The following ZNF804B variants were observed in gnomAD, a reference collection of about 807,000 sequenced individuals.
ZNF804B encodes the protein zinc finger protein 804B.
ZNF804B carries 80 observed loss-of-function variants against 101.4 expected under a neutral mutation model. That is an observed-to-expected ratio of 0.79 (90% CI 0.66 to 0.95). ZNF804B has a LOEUF of 0.95. Ranked by LOEUF, ZNF804B falls within the 40% of genes least tolerant of loss-of-function variation. The pLI is 0.00. For synonymous variants in ZNF804B, 622 were observed against 558.8 expected (o/e 1.11, Z -1.59); for missense variants, 1,673 against 1,561.9 (o/e 1.07, Z -1.20).
At chr7:89,055,418 G>C (rs1789275216) in intron 1 of ZNF804B, among the ~76,000 whole-genome samples, 1 of 152,076 alleles carries the variant, frequency 6.6e-6, no homozygotes, top group African/African-American at 2.4e-5. Flanking sequence ...TATGGAAAAG[G>C]GGTTAGGTAT....
chr7:89,019,021 G>T (rs1274487472), intron 1 of ZNF804B, among the ~76,000 whole-genome samples: 1 of 151,816 alleles, frequency 6.6e-6, no homozygotes, highest in African/African-American at 2.4e-5. Flanking sequence ...CATTCTACCA[G>T]TTTTCGGTTT....
rs148077191 is a variant in ZNF804B at position 89,255,100 on chromosome 7, G to T, written c.249+36805G>T. On this transcript the variant is annotated intron_variant, in intron 2 of 3. Transcript: ENST00000333190. ...GACTCACAGTTCCACATTGCTGGGAGGCCTCAGGAAACTTACAGTCATGGA... is the reference window on the plus strand; with the variant it reads ...GACTCACAGTTCCACATTGCTGGGATGCCTCAGGAAACTTACAGTCATGGA... Among the ~76,000 whole-genome samples the T allele has an allele frequency of 3.3e-3, 507 of 152,332 alleles. 6 individuals are homozygous for T. The highest frequency in any genetic ancestry group is 0.027 in the Middle Eastern group (8 of 294).
Position 88,759,879 on chromosome 7 carries a change from G to C in ZNF804B, c.-98G>C, listed in dbSNP as rs992220052. ...GCGTCCTGCTGGCCGCGTCTTCTCGGGAGGTGGTAGTCGCTGTTGCCGCTG... is the reference window on the plus strand; with the variant it reads ...GCGTCCTGCTGGCCGCGTCTTCTCGCGAGGTGGTAGTCGCTGTTGCCGCTG... On this transcript the variant is annotated 5_prime_UTR_variant, in exon 1 of 4. Transcript: ENST00000333190. The C allele has an allele frequency of 8.3e-5, 79 of 952,174 alleles. No individual in the cohort carries two copies. The Admixed American group carries it at 1.5e-3, about 18-fold the overall frequency. 59.0% of individuals were successfully genotyped at this position (952,174 alleles called of 1,614,324 possible).
chr7:88,978,770 C>T (rs1369344214), intron 1 of ZNF804B, among the ~76,000 whole-genome samples: 1 of 150,864 alleles, frequency 6.6e-6, no homozygotes, highest in Non-Finnish European at 1.5e-5. Flanking sequence ...TTTTGTGATT[C>T]ATTCTCTCCC....
chr7:88,818,210 A>C (rs1435708246), intron 1 of ZNF804B, among the ~76,000 whole-genome samples: 1 of 152,198 alleles, frequency 6.6e-6, no homozygotes, highest in African/African-American at 2.4e-5. Context: ...CATTATATCA[A>C]CTTCATGAGC....
At chr7:89,296,021 G>A (rs567494407) in intron 2 of ZNF804B, among the ~76,000 whole-genome samples, 9 of 152,036 alleles carry the variant, frequency 5.9e-5, no homozygotes, top group East Asian at 1.9e-4. Flanking sequence ...AAGAGGGAAC[G>A]GATAAAAAAC....
intron 1 of ZNF804B, among the ~76,000 whole-genome samples, chr7:88,967,690 A>G (rs931548120): frequency 6.8e-6 from 1 of 147,818 alleles, no homozygotes; most frequent in East Asian, 2.0e-4. Flanking sequence ...GTAGGAAGTC[A>G]TGAATGATGA....
chr7:89,023,512 C>A (rs183180761), intron 1 of ZNF804B, among the ~76,000 whole-genome samples: 1 of 152,068 alleles, frequency 6.6e-6, no homozygotes, highest in Non-Finnish European at 1.5e-5. Context: ...GCATTTTGGT[C>A]CTTAAATTGG....
chr7:89,046,328 G>A (rs1444454450), intron 1 of ZNF804B, among the ~76,000 whole-genome samples: 3 of 152,108 alleles, frequency 2.0e-5, no homozygotes, highest in African/African-American at 4.8e-5. Flanking sequence ...GAAAAAAGTT[G>A]TGTAAAATAG....
At chr7:88,891,366 A>G (rs566029256) in intron 1 of ZNF804B, among the ~76,000 whole-genome samples, 4 of 152,006 alleles carry the variant, frequency 2.6e-5, no homozygotes, top group African/African-American at 7.2e-5. Flanking sequence ...ATTAAAGTCT[A>G]TTTTGTCCAA....
At chr7:88,783,759 G>A (rs1174660244) in intron 1 of ZNF804B, among the ~76,000 whole-genome samples, 1 of 152,080 alleles carries the variant, frequency 6.6e-6, no homozygotes, top group Non-Finnish European at 1.5e-5. Flanking sequence ...TTTATTCTAA[G>A]AAGTTACTGC....
chr7:89,248,184 T>C (rs1162988522), intron 2 of ZNF804B, among the ~76,000 whole-genome samples: 1 of 152,024 alleles, frequency 6.6e-6, no homozygotes, highest in Non-Finnish European at 1.5e-5. Context: ...AAAACATACA[T>C]AAGGGAATAC....
intron 1 of ZNF804B, among the ~76,000 whole-genome samples, chr7:89,162,266 A>G (rs1035981680): frequency 3.9e-5 from 6 of 152,142 alleles, no homozygotes; most frequent in Non-Finnish European, 7.3e-5. Flanking sequence ...ATGAGTTCTG[A>G]AGATTTATCA....
chr7:89,302,619 G>A (rs1268948036), intron 2 of ZNF804B, among the ~76,000 whole-genome samples: 1 of 151,910 alleles, frequency 6.6e-6, no homozygotes, highest in Non-Finnish European at 1.5e-5. Flanking sequence ...TCAATTCATA[G>A]CTTCCTTGTT....
At chr7:89,058,595 T>TG (rs1290962816) in intron 1 of ZNF804B, among the ~76,000 whole-genome samples, 1 of 152,044 alleles carries the variant, frequency 6.6e-6, no homozygotes, top group Non-Finnish European at 1.5e-5. Context: ...AAATAAGGAA[T>TG]GGGGGGTCTG....
chr7:89,150,774 G>A (rs990192224), intron 1 of ZNF804B, among the ~76,000 whole-genome samples: 4 of 152,096 alleles, frequency 2.6e-5, no homozygotes, highest in African/African-American at 9.7e-5. Context: ...AGAGACGCTG[G>A]AGGGGAAGGA....
chr7:89,075,129 A>C (rs545033563), intron 1 of ZNF804B, among the ~76,000 whole-genome samples: 54 of 152,314 alleles, frequency 3.5e-4, no homozygotes, highest in African/African-American at 1.2e-3. Context: ...CTGACAATGC[A>C]ATAGAGAAGA....
intron 1 of ZNF804B, among the ~76,000 whole-genome samples, chr7:88,905,352 GT>G (rs957717228): frequency 1.2e-4 from 18 of 151,590 alleles, no homozygotes; most frequent in African/African-American, 4.1e-4. Flanking sequence ...CAGTATGCTA[GT>G]TTTTTGTTTT....
rs187320675 is a variant in ZNF804B at position 89,067,478 on chromosome 7, G to T, written c.109-150677G>T. On this transcript the variant is annotated intron_variant, in intron 1 of 3. Coordinates refer to ENST00000333190, the MANE Select transcript of ZNF804B (RefSeq NM_181646.5). ...GTGTCTGATTGAGTCACTGGCAGAG[G>T]TGTATGCATGCTACCAAATGATTGC... 1.7e-3 allele frequency among the ~76,000 whole-genome samples: 262 copies of T among 152,258 alleles called. 1 individual carries two copies. The highest frequency in any genetic ancestry group is 3.1e-3 in the Non-Finnish European group (211 of 68,020).
Sources: gnomAD v4.1 joint callset for allele counts (sites outside exome capture counted in the v4.1 genomes callset) on GRCh38, gnomAD v4.1.1 for gene constraint, MANE v1.5 for transcripts, NCBI Gene and HGNC (gene_info 2026-07-23, HGNC 2026-07-21) for gene names.